The following NIBAN1 variants were observed in gnomAD, a reference collection of about 807,000 sequenced individuals.
NIBAN1 encodes the protein niban apoptosis regulator 1, also known as protein Niban 1.
A neutral mutation model predicts 75.1 loss-of-function variants in NIBAN1; 81 were observed. That is an observed-to-expected ratio of 1.08 (90% confidence interval 0.90 to 1.30). The LOEUF (loss-of-function observed/expected upper bound fraction) is 1.30, where lower values mean the gene tolerates loss of function less well. Among genes scored for constraint, NIBAN1 ranks in the 50% most tolerant of loss-of-function variants. The pLI is 0.00. For synonymous variants in NIBAN1, 436 were observed against 424.8 expected, an observed-to-expected ratio of 1.03 and a Z score of -0.32; for missense variants, 1,133 against 1,128.1, an observed-to-expected ratio of 1.00 and a Z score of -0.06.
Position 184,823,189 on chromosome 1 carries a change from G to C in NIBAN1, c.963C>G (p.Asn321Lys). 8 of 1,614,178 alleles carry C rather than the reference G, an allele frequency of 5.0e-6. No homozygotes were observed. Among genetic ancestry groups the C allele is most frequent in the Non-Finnish European group, 6.8e-6 (8 of 1,180,020 alleles). ...GACCTTTGATCTTTCCAATTAAATA[G>C]TTCTTTGAGTTCACAATCTGATCCA... The part of the protein sequence containing the change: ...SDMDQIVNSK[N>K]YLIGKIKAMV... The change falls in exon 8 of 14, where the codon AAC becomes AAG. Residue 321 changes from asparagine (N) to lysine (K), a missense_variant. Asn to Lys is a moderately conservative substitution (Grantham distance 94). Transcript: ENST00000367511.
At chr1:184,860,268 C>T (rs1328366115) in intron 5 of NIBAN1, among the ~76,000 whole-genome samples, 10 of 86,506 alleles carry the variant, frequency 1.2e-4, no homozygotes, top group South Asian at 4.1e-4. Flanking sequence ...TATAGCACTG[C>T]GGCGGGGGCG....
At chr1:184,815,485 A>C (rs1654501099) in intron 9 of NIBAN1, among the ~76,000 whole-genome samples, 1 of 152,192 alleles carries the variant, frequency 6.6e-6, no homozygotes, top group African/African-American at 2.4e-5. Context: ...TCCCCAGAAG[A>C]AGATGACATC....
At chr1:184,860,122 T>C (rs1162511614) in intron 5 of NIBAN1, among the ~76,000 whole-genome samples, 1 of 152,040 alleles carries the variant, frequency 6.6e-6, no homozygotes, top group African/African-American at 2.4e-5. Flanking sequence ...ACCAGAGAAC[T>C]ATGGTGTGAG....
chr1:184,951,660 C>T (rs1453688652), intron 1 of NIBAN1, among the ~76,000 whole-genome samples: 2 of 152,186 alleles, frequency 1.3e-5, no homozygotes, highest in Non-Finnish European at 2.9e-5. Context: ...CGGATCACAG[C>T]TCCAGCTTCT....
chr1:184,860,492 G>A (rs1025206582), intron 5 of NIBAN1, among the ~76,000 whole-genome samples: 1 of 152,122 alleles, frequency 6.6e-6, no homozygotes, highest in Non-Finnish European at 1.5e-5. Context: ...TATTATTTAT[G>A]GAGTAGCATC....
intron 9 of NIBAN1, 65 bp from the exon 10 acceptor site, chr1:184,808,300 G>T: frequency 1.3e-6 from 2 of 1,484,410 alleles, no homozygotes; most frequent in Non-Finnish European, 1.8e-6. Flanking sequence ...CATATATATT[G>T]CATATTACAT....
chr1:184,938,544 G>A (rs1465527495), intron 1 of NIBAN1, among the ~76,000 whole-genome samples: 1 of 145,750 alleles, frequency 6.9e-6, no homozygotes, highest in Admixed American at 6.8e-5. Context: ...ATCTTTTTTT[G>A]TGAATTGAAA....
intron 1 of NIBAN1, among the ~76,000 whole-genome samples, chr1:184,931,122 C>T (rs1209246599): frequency 1.3e-5 from 2 of 151,500 alleles, no homozygotes; most frequent in Non-Finnish European, 2.9e-5. Context: ...GCCTCAGCCT[C>T]TCAAGTAGCT....
chr1:184,965,204 C>T (rs975837510), intron 1 of NIBAN1, among the ~76,000 whole-genome samples: 1 of 151,900 alleles, frequency 6.6e-6, no homozygotes, highest in African/African-American at 2.4e-5. Flanking sequence ...GAGGCTGACG[C>T]AGGAGAATGG....
chr1:184,871,807 G>A (rs1656116203), intron 5 of NIBAN1, among the ~76,000 whole-genome samples: 1 of 152,132 alleles, frequency 6.6e-6, no homozygotes, highest in Non-Finnish European at 1.5e-5. Context: ...CCCATTCTAA[G>A]GAAAATTGTC....
chr1:184,853,113 CTT>C (rs778000133), intron 5 of NIBAN1, among the ~76,000 whole-genome samples: 3 of 152,264 alleles, frequency 2.0e-5, no homozygotes, highest in South Asian at 2.1e-4. Flanking sequence ...ACATCATTAA[CTT>C]ATATCTTTCT....
In NIBAN1 at chr1:184,925,965, C is replaced by A. The variant is rs571505972; in HGVS notation, c.56-26656G>T. 2.0e-5 allele frequency among the ~76,000 whole-genome samples: 3 copies of A among 152,264 alleles called. No individual in the cohort carries two copies. In the South Asian group the frequency reaches 6.2e-4, roughly 32 times the overall value. On this transcript the variant is annotated intron_variant, in intron 1 of 13. Transcript: ENST00000367511. Reference sequence around the variant, plus strand: ...CCAATGCTTTATTCTTGCTCATTAACGCCCTTTACTTTCAGATTGAAGGAC... The same window carrying A: ...CCAATGCTTTATTCTTGCTCATTAAAGCCCTTTACTTTCAGATTGAAGGAC...
intron 1 of NIBAN1, among the ~76,000 whole-genome samples, chr1:184,965,444 C>T (rs994403637): frequency 6.6e-6 from 1 of 152,178 alleles, no homozygotes; most frequent in Non-Finnish European, 1.5e-5. Context: ...CATATCTTTG[C>T]TACTGTGAAT....
In NIBAN1 at chr1:184,828,746, G is replaced by GC. The variant is rs1285470813; in HGVS notation, c.717+3100dup. ...CAAATAATCCTGAAATGCCCCTCCA[G>GC]CATTCACATTTTATTAGTCTGTTAT... On this transcript the variant is annotated intron_variant, in intron 6 of 13. Transcript: ENST00000367511. 5.9e-5 allele frequency among the ~76,000 whole-genome samples: 9 copies of GC among 152,150 alleles called. No homozygotes were observed. In the South Asian group the frequency reaches 1.9e-3, roughly 32 times the overall value.
chr1:184,910,622 C>T (rs1453864315), intron 1 of NIBAN1, among the ~76,000 whole-genome samples: 2 of 151,968 alleles, frequency 1.3e-5, no homozygotes, highest in Admixed American at 6.6e-5. Context: ...TGTCCAGAAG[C>T]CTTGTGAAAT....
intron 13 of NIBAN1, among the ~76,000 whole-genome samples, chr1:184,796,596 C>G (rs541143455): frequency 6.6e-6 from 1 of 152,274 alleles, no homozygotes; most frequent in African/African-American, 2.4e-5. Context: ...AAATGAAGAT[C>G]CATGTGCATC....
chr1:184,928,727 T>G (rs1211162846), intron 1 of NIBAN1, among the ~76,000 whole-genome samples: 1 of 152,160 alleles, frequency 6.6e-6, no homozygotes, highest in Non-Finnish European at 1.5e-5. Flanking sequence ...TATAGGCAAT[T>G]CAAGACTGCC....
intron 12 of NIBAN1, among the ~76,000 whole-genome samples, chr1:184,802,500 TC>T (rs1654072238): frequency 6.6e-6 from 1 of 152,196 alleles, no homozygotes; most frequent in South Asian, 2.1e-4. Context: ...CAAAGGTCAA[TC>T]CCTTGGCTTA....
intron 1 of NIBAN1, among the ~76,000 whole-genome samples, chr1:184,963,975 A>C (rs1432333609): frequency 6.6e-6 from 1 of 152,192 alleles, no homozygotes; most frequent in Non-Finnish European, 1.5e-5. Flanking sequence ...TTTGGTTATT[A>C]AGATTTATCA....
Sources: allele counts gnomAD v4.1 joint callset (sites outside exome capture counted in the v4.1 genomes callset), GRCh38; gene constraint gnomAD v4.1.1; transcripts MANE v1.5; gene names NCBI Gene and HGNC (gene_info 2026-07-23, HGNC 2026-07-21).